Variants in DHX8 observed in about 807,000 individuals in gnomAD.
DHX8 encodes ATP-dependent RNA helicase DHX8.
In DHX8, 67 loss-of-function variants were observed where a neutral mutation model predicts 140.7. The observed-to-expected ratio is 0.48, with a 90% CI of 0.39 to 0.58. The LOEUF is 0.58. Among genes scored for constraint, DHX8 ranks in the 20% least tolerant of loss-of-function variants. DHX8 has a pLI of 0.00. For synonymous variants in DHX8, 533 were observed against 553.2 expected, an observed-to-expected ratio of 0.96 and a Z score of 0.51; for missense variants, 887 against 1,550.7, an observed-to-expected ratio of 0.57 and a Z score of 7.19.
intron 22 of DHX8, 101 bp from the exon 23 acceptor site, chr17:43,523,527 A>C (rs2154586936): frequency 6.5e-7 from 1 of 1,534,634 alleles, no homozygotes; most frequent in Non-Finnish European, 8.8e-7. Context: ...GAGAGGTAAT[A>C]GTATAAAATG....
intron 20 of DHX8, 41 bp from the exon 21 acceptor site, chr17:43,521,328 C>G (rs768391431): frequency 2.6e-6 from 4 of 1,531,300 alleles, no homozygotes; most frequent in Non-Finnish European, 1.8e-6. Context: ...CAGTTAGTAG[C>G]TGTTGAGTCG....
At chr17:43,500,825 C>T (rs1014633685) in intron 11 of DHX8, among the ~76,000 whole-genome samples, 1 of 152,006 alleles carries the variant, frequency 6.6e-6, no homozygotes, top group African/African-American at 2.4e-5. Flanking sequence ...GCAGGGGAAT[C>T]GCTTGAACCC....
At chr17:43,526,419 A>G, downstream of DHX8, 1 of 1,529,314 alleles carries the variant, frequency 6.5e-7, no homozygotes, top group Non-Finnish European at 8.7e-7. Flanking sequence ...TGAGCTCCGC[A>G]GCTGGGTCAG....
chr17:43,528,808 G>A (rs1970723976), downstream of DHX8: 1 of 1,328,786 alleles, frequency 7.5e-7, no homozygotes, highest in Non-Finnish European at 1.1e-6. Flanking sequence ...GGGTAAGGTG[G>A]GGGAGTGGGG....
At chr17:43,500,723 C>T (rs1166693070) in intron 11 of DHX8, among the ~76,000 whole-genome samples, 1 of 151,842 alleles carries the variant, frequency 6.6e-6, no homozygotes, top group African/African-American at 2.4e-5. Flanking sequence ...CCATCCTGGC[C>T]AACATGGTGA....
rs148120687 is a variant in DHX8 at position 43,492,254 on chromosome 17, C to A, written c.465C>A (p.Ser155Arg). 3 of 1,613,836 alleles carry A rather than the reference C, an allele frequency of 1.9e-6. No individual in the cohort carries two copies. Among genetic ancestry groups the A allele is most frequent in the Non-Finnish European group, 1.7e-6 (2 of 1,179,908 alleles). ...AAGAACTGGAAGCTTTAATGCCCAG[C>A]GCAGCAGGCCAGGAGAAGCAAAGAG... The part of the protein sequence containing the change: ...VLKELEALMP[S>R]AAGQEKQRDA... Residue 155 changes from serine (S) to arginine (R), a missense_variant, in exon 5 of 23, where the codon AGC becomes AGA. Physicochemically the swap from Ser to Arg is moderately radical, Grantham distance 110 (BLOSUM62 -1). This residue lies in a region of DHX8 where 304 missense variants were observed against 306.9 expected (regional missense o/e 0.99). Coordinates refer to ENST00000262415, the MANE Select transcript of DHX8 (RefSeq NM_004941.3).
chr17:43,520,238 G>A lies in DHX8; in HGVS notation c.2908G>A (p.Glu970Lys). Residue 970 changes from glutamate (E) to lysine (K), a missense_variant, in exon 19 of 23, where the codon GAG becomes AAG. Around this residue, in one of 9 missense-constraint regions of DHX8, gnomAD observed 151 missense variants for 388.3 expected, o/e 0.39. Transcript: ENST00000262415. ...QLYTLGALDD[E>K]GLLTRLGRRM... is the part of the protein sequence containing the mutation. ...GTACACACTGGGGGCCCTGGATGAC[G>A]AGGGCCTGCTCACTCGCTTGGGCCG... 1 of 1,614,108 alleles carries A rather than the reference G, an allele frequency of 6.2e-7. No individual in the cohort carries two copies. The highest frequency in any genetic ancestry group is 8.5e-7 in the Non-Finnish European group (1 of 1,180,008).
chr17:43,530,243 G>A (rs915225082), downstream of DHX8: 18 of 1,550,094 alleles, frequency 1.2e-5, no homozygotes, highest in African/African-American at 2.3e-4. Context: ...GGCAGGGGAG[G>A]AGGAAGTCCT....
At position 43,520,274 on chromosome 17, in the gene DHX8, G is replaced by T; in HGVS notation, c.2937+7G>T. On this transcript the variant is annotated splice_region_variant and intron_variant, in intron 19 of 22. Transcript: ENST00000262415. ...CACTCGCTTGGGCCGCCGGGTAAGG[G>T]ACAGACTCAACTTCCTGTGCTTTTG... The T allele has an allele frequency of 6.2e-7, 1 of 1,613,270 alleles. No homozygotes were observed. The highest frequency in any genetic ancestry group is 8.5e-7 in the Non-Finnish European group (1 of 1,179,502).
intron 18 of DHX8, chr17:43,518,906 A>T (rs1296904021): frequency 6.6e-6 from 1 of 152,188 alleles, no homozygotes; most frequent in Admixed American, 6.5e-5. Flanking sequence ...AGATTTATTC[A>T]TGTTATTTTC....
downstream of DHX8, chr17:43,529,310 C>T: frequency 5.4e-6 from 8 of 1,489,316 alleles, no homozygotes; most frequent in South Asian, 5.7e-5. Context: ...TCAGAAAGAG[C>T]ACTTGAGATT....
chr17:43,521,933 G>A, intron 21 of DHX8, 114 bp from the exon 22 acceptor site: 1 of 1,095,120 alleles, frequency 9.1e-7, no homozygotes, highest in Non-Finnish European at 1.3e-6. Context: ...GGGCTGGAAG[G>A]AAGGTCCTGG....
chr17:43,493,478 G>A lies in DHX8; in HGVS notation c.897G>A (p.Glu299=). ...KRWEGLVHIS[E]LRREGRVANV... is the part of the protein sequence containing the mutation. ...GGGAAGGCCTGGTGCACATCTCTGA[G>A]CTCCGGCGGGAGGGTCGTGTGGCCA... Residue 299 remains glutamate (E), a synonymous_variant, in exon 7 of 23, where the codon GAG becomes GAA. Coordinates refer to ENST00000262415, the MANE Select transcript of DHX8 (RefSeq NM_004941.3). 6.2e-7 allele frequency: 1 copy of A among 1,614,200 alleles called. No individual in the cohort carries two copies. Among genetic ancestry groups the A allele is most frequent in the Non-Finnish European group, 8.5e-7 (1 of 1,180,032 alleles).
rs1471697458 is a variant in DHX8 at position 43,521,407 on chromosome 17, C to T, written c.3105C>T (p.Phe1035=). The change falls in exon 21 of 23, where the codon TTC becomes TTT. Residue 1035 remains phenylalanine, a synonymous_variant. Coordinates refer to ENST00000262415, the MANE Select transcript of DHX8 (RefSeq NM_004941.3). ...QALADQKKAK[F]HQTEGDHLTL... ...TTGCAGATCAGAAGAAGGCCAAATT[C>T]CACCAGACTGAAGGGGACCACCTCA... 6.2e-7 allele frequency: 1 copy of T among 1,613,802 alleles called. No individual in the cohort carries two copies. The highest frequency in any genetic ancestry group is 1.7e-4 in the Middle Eastern group (1 of 6,060).
In DHX8 at chr17:43,492,903, A is replaced by G; in HGVS notation, c.726A>G (p.Gly242=). The G allele has an allele frequency of 6.2e-7, 1 of 1,614,220 alleles. No individual in the cohort carries two copies. The highest frequency in any genetic ancestry group is 8.5e-7 in the Non-Finnish European group (1 of 1,180,044). Residue 242 remains glycine (G), a synonymous_variant, in exon 6 of 23, where the codon GGA becomes GGG. Transcript: ENST00000262415. ...PKDRKDRDKY[G]ERNLDRWRDK... ...ACCGGAAGGACCGGGACAAATATGG[A>G]GAGCGGAATCTGGATAGATGGCGGG...
intron 16 of DHX8, among the ~76,000 whole-genome samples, chr17:43,512,338 G>T (rs1164804204): frequency 6.9e-6 from 1 of 144,058 alleles, no homozygotes; most frequent in Admixed American, 7.1e-5. Flanking sequence ...AGTAAGCCGA[G>T]ATTGCACCAC....
rs1405584025 is a variant in DHX8 at position 43,524,516 on chromosome 17, G to A, written c.*669G>A. 2.0e-6 allele frequency: 2 copies of A among 986,670 alleles called. No homozygotes were observed. The highest frequency in any genetic ancestry group is 2.4e-6 in the Non-Finnish European group (2 of 831,088). 61.1% of individuals were successfully genotyped at this position (986,670 alleles called of 1,614,324 possible). ...CTTCCAGCCTTGTCTTTCAGCATCA[G>A]CACTAGCCGGGCCGTGCTGGGGGAT... On this transcript the variant is annotated 3_prime_UTR_variant, in exon 23 of 23. Coordinates refer to ENST00000262415, the MANE Select transcript of DHX8 (RefSeq NM_004941.3).
chr17:43,543,276 A>ACACTCTCT (rs1555559953), intron 3 of DHX8, among the ~76,000 whole-genome samples: 10 of 138,258 alleles, frequency 7.2e-5, no homozygotes, highest in South Asian at 2.4e-4. Context: ...ACACACACAC[A>ACACTCTCT]CTCTCTCTCT....
At chr17:43,495,030 T>A (rs1258784852) in intron 8 of DHX8, among the ~76,000 whole-genome samples, 1 of 151,918 alleles carries the variant, frequency 6.6e-6, no homozygotes, top group African/African-American at 2.4e-5. Context: ...GCCAGGCTAG[T>A]CTTGAACTCC....
Sources: allele counts gnomAD v4.1 joint callset (sites outside exome capture counted in the v4.1 genomes callset), GRCh38; gene constraint gnomAD v4.1.1; regional missense constraint gnomAD v4.1.1; transcripts MANE v1.5; gene names NCBI Gene and HGNC (gene_info 2026-07-23, HGNC 2026-07-21).